The following SMARCB1 variants were observed in gnomAD, a reference collection of about 807,000 sequenced individuals.
SMARCB1 encodes SWI/SNF-related matrix-associated actin-dependent regulator of chromatin subfamily B member 1.
Under a neutral mutation model 49.0 loss-of-function variants are expected in SMARCB1, and 5 were observed. The observed-to-expected ratio is 0.10, with a 90% CI of 0.05 to 0.21. SMARCB1 has a LOEUF of 0.21. SMARCB1 is among the 10% of genes least tolerant of loss of function. The probability of loss-of-function intolerance (pLI) is 1.00; values close to 1 mark genes in which losing one functional copy is unlikely to be tolerated. For missense variants in SMARCB1, 226 were observed against 509.2 expected (o/e 0.44, Z 5.35); for synonymous variants, 201 against 200.1 (o/e 1.00, Z -0.04).
intron 1 of SMARCB1, among the ~76,000 whole-genome samples, chr22:23,790,802 G>A (rs1928331997): frequency 6.6e-6 from 1 of 152,044 alleles, no homozygotes; most frequent in Non-Finnish European, 1.5e-5. Context: ...ATGATCGATC[G>A]CACCACTGCA....
rs2145963521 is a variant in SMARCB1 at position 23,793,546 on chromosome 22, T to G, written c.233-13T>G. On this transcript the variant is annotated splice_polypyrimidine_tract_variant and intron_variant, in intron 2 of 8. Coordinates refer to ENST00000644036, the MANE Select transcript of SMARCB1 (RefSeq NM_003073.5). ...CACCAGCAGAGTGACCCAGTGATGT[T>G]TGTCTGTTACAGATCACGGATACAC... 2 of 1,614,102 alleles carry G rather than the reference T, an allele frequency of 1.2e-6. No homozygotes were observed. The highest frequency in any genetic ancestry group is 8.5e-7 in the Non-Finnish European group (1 of 1,179,978).
Position 23,810,308 on chromosome 22 carries a change from C to T in SMARCB1, c.629-6462C>T, listed in dbSNP as rs1389632947. ...TTGGGAGGCCAAGGCAGGCGGATCA[C>T]AAGGTCAGGAGTTTGAGACCAGCCT... On this transcript the variant is annotated intron_variant, in intron 5 of 8. Coordinates refer to ENST00000644036, the MANE Select transcript of SMARCB1 (RefSeq NM_003073.5). Among the ~76,000 whole-genome samples the T allele has an allele frequency of 6.6e-5, 10 of 151,336 alleles. No homozygotes were observed. In the East Asian group the frequency reaches 1.8e-3, roughly 27 times the overall value.
chr22:23,803,194 G>C (rs1929275932), intron 4 of SMARCB1, 101 bp from the exon 5 acceptor site: 1 of 1,516,928 alleles, frequency 6.6e-7, no homozygotes, highest in Non-Finnish European at 9.1e-7. Flanking sequence ...ATCTTCCCCA[G>C]ATGGGTTTGC....
At chr22:23,793,780 A>AATTT in intron 3 of SMARCB1, 92 bp downstream of exon 3, 2 of 923,396 alleles carry the variant, frequency 2.2e-6, no homozygotes, top group Non-Finnish European at 3.1e-6. Context: ...AAATTGAAAC[A>AATTT]CTTTTTTTTT....
rs1368852731 is a variant in SMARCB1, at chr22:23,837,176, T to C, written c.*2996T>C. The stretch of plus-strand genomic sequence containing the variant: ...ATCCCTGTGAGACAGCCACGGACTG[T>C]GGGGTCACCCTCCACAGCCCAGAGT... On this transcript the variant is annotated 3_prime_UTR_variant, in exon 9 of 9. Coordinates refer to ENST00000644036, the MANE Select transcript of SMARCB1 (RefSeq NM_003073.5). 1 of 1,612,698 alleles carries C rather than the reference T, an allele frequency of 6.2e-7. No individual in the cohort carries two copies. Among genetic ancestry groups the C allele is most frequent in the Non-Finnish European group, 8.5e-7 (1 of 1,179,506 alleles).
intron 3 of SMARCB1, among the ~76,000 whole-genome samples, chr22:23,800,278 A>G (rs1929059995): frequency 6.6e-6 from 1 of 152,238 alleles, no homozygotes; most frequent in African/African-American, 2.4e-5. Flanking sequence ...GACATGGGTT[A>G]TTTAAATTAC....
chr22:23,807,579 A>G (rs1929571711), intron 5 of SMARCB1, among the ~76,000 whole-genome samples: 1 of 109,726 alleles, frequency 9.1e-6, no homozygotes, highest in Non-Finnish European at 2.1e-5. Flanking sequence ...TGTCTCAAAA[A>G]CTTTTTTTTT....
chr22:23,805,192 T>C (rs1929420295), intron 5 of SMARCB1, among the ~76,000 whole-genome samples: 1 of 152,086 alleles, frequency 6.6e-6, no homozygotes, highest in Admixed American at 6.6e-5. Context: ...CGGGTGCTTG[T>C]CCCGTAGGTC....
At chr22:23,820,346 G>A (rs912673064) in intron 6 of SMARCB1, among the ~76,000 whole-genome samples, 10 of 152,104 alleles carry the variant, frequency 6.6e-5, no homozygotes, top group East Asian at 1.9e-4. Context: ...AGACCGAGGC[G>A]GGCGGATCAC....
chr22:23,835,121 C>T lies in SMARCB1; in HGVS notation c.*941C>T, dbSNP rs916423200. The T allele has an allele frequency of 1.2e-4, 169 of 1,368,996 alleles. No individual in the cohort carries two copies. Among genetic ancestry groups the T allele is most frequent in the Non-Finnish European group, 1.4e-4 (148 of 1,064,146 alleles). The allele number at this position is 1,368,996 out of a possible 1,614,324, so 84.8% of individuals were successfully genotyped here. A position where few individuals can be genotyped will look rare whatever the true frequency, so the allele number is the denominator to read the frequency against. ...GTGAGGAATATGGGAATAGCCCTCC[C>T]GGCCTGGTGCCAGCTCTTGGAGTTG... On this transcript the variant is annotated 3_prime_UTR_variant, in exon 9 of 9. Transcript: ENST00000644036.
chr22:23,801,758 A>G (rs529959496), intron 4 of SMARCB1: 11 of 218,570 alleles, frequency 5.0e-5, no homozygotes, highest in African/African-American at 2.1e-4. Context: ...AGGATCTTTC[A>G]CTTAATCGTA....
chr22:23,807,886 C>T (rs139853573), intron 5 of SMARCB1, among the ~76,000 whole-genome samples: 12,514 of 148,744 alleles, frequency 0.084, 665 homozygotes, highest in East Asian at 0.16. Flanking sequence ...GCTCCGCCTC[C>T]TGGGTTCACG....
Position 23,787,093 on chromosome 22 carries a change from C to A in SMARCB1, c.-77C>A. ...GCCTTCCGGCTTCGGTTTCCCTCGG[C>A]CCAGCACGCCCCGGCCCCGCCCCAG... On this transcript the variant is annotated 5_prime_UTR_variant, in exon 1 of 9. Transcript: ENST00000644036. 1.1e-6 allele frequency: 1 copy of A among 942,346 alleles called. No individual in the cohort carries two copies. Among genetic ancestry groups the A allele is most frequent in the Non-Finnish European group, 1.7e-6 (1 of 586,778 alleles). 58.4% of individuals were successfully genotyped at this position (942,346 alleles called of 1,614,324 possible). A position where few individuals can be genotyped will look rare whatever the true frequency, so the allele number is the denominator to read the frequency against.
chr22:23,804,467 C>T (rs1407898290), intron 5 of SMARCB1: 2 of 152,198 alleles, frequency 1.3e-5, no homozygotes, highest in East Asian at 3.8e-4. Flanking sequence ...CACATGCAAA[C>T]ATATTTAACA....
In SMARCB1 at chr22:23,837,625, G is replaced by A. The variant is rs1231664973; in HGVS notation, c.*3445G>A. The A allele has an allele frequency of 6.3e-7, 1 of 1,598,000 alleles. No homozygotes were observed. Among genetic ancestry groups the A allele is most frequent in the Non-Finnish European group, 8.5e-7 (1 of 1,170,062 alleles). On this transcript the variant is annotated 3_prime_UTR_variant, in exon 9 of 9. Coordinates refer to ENST00000644036, the MANE Select transcript of SMARCB1 (RefSeq NM_003073.5). The stretch of plus-strand genomic sequence containing the variant: ...CAGCGTGTCCTGAGGGGAGTGGCCA[G>A]CCTGGGGCGGACTAGATGTACCGGG...
chr22:23,809,712 A>T (rs1929746272), intron 5 of SMARCB1, among the ~76,000 whole-genome samples: 1 of 151,106 alleles, frequency 6.6e-6, no homozygotes, highest in South Asian at 2.1e-4. Context: ...CGCCCAGCCG[A>T]ATGATGGTAG....
chr22:23,807,787 T>C (rs1929586838), intron 5 of SMARCB1, among the ~76,000 whole-genome samples: 1 of 108,256 alleles, frequency 9.2e-6, no homozygotes, highest in African/African-American at 2.7e-5. Context: ...GTGGTAGATT[T>C]CTTTTTTTTT....
Position 23,836,839 on chromosome 22 carries a change from A to G in SMARCB1, c.*2659A>G, listed in dbSNP as rs977703392. ...TCATGGGTAGGATGGAAGCTGCCAG[A>G]AGCCTCTTAGGCCTGGCCCTGGGTG... On this transcript the variant is annotated 3_prime_UTR_variant, in exon 9 of 9. Coordinates refer to ENST00000644036, the MANE Select transcript of SMARCB1 (RefSeq NM_003073.5). The G allele has an allele frequency of 1.4e-6, 2 of 1,438,364 alleles. No individual in the cohort carries two copies. The highest frequency in any genetic ancestry group is 2.9e-5 in the African/African-American group (2 of 68,994). The allele number at this position is 1,438,364 out of a possible 1,614,324, so 89.1% of individuals were successfully genotyped here. A position where few individuals can be genotyped will look rare whatever the true frequency, so the allele number is the denominator to read the frequency against.
intron 5 of SMARCB1, among the ~76,000 whole-genome samples, chr22:23,805,567 G>A (rs1247153482): frequency 6.6e-6 from 1 of 152,222 alleles, no homozygotes; most frequent in Non-Finnish European, 1.5e-5. Flanking sequence ...GTGCAATGGC[G>A]TGATCTCAGC....
Sources: allele counts gnomAD v4.1 joint callset (sites outside exome capture counted in the v4.1 genomes callset), GRCh38; gene constraint gnomAD v4.1.1; transcripts MANE v1.5; gene names NCBI Gene and HGNC (gene_info 2026-07-23, HGNC 2026-07-21).